CCSER1: variants seen among roughly 807,000 people sequenced by gnomAD.
CCSER1 encodes the protein serine-rich coiled-coil domain-containing protein 1.
CCSER1 carries 41 observed loss-of-function variants against 82.0 expected under a neutral mutation model. The ratio of observed to expected loss-of-function variants is 0.50; its 90% CI spans 0.39 to 0.65. CCSER1 has a LOEUF of 0.65. Among genes scored for constraint, CCSER1 ranks in the 30% least tolerant of loss-of-function variants. The pLI, the probability that CCSER1 is intolerant of heterozygous loss-of-function variation, is 0.00. For synonymous variants in CCSER1, 414 were observed against 383.9 expected (o/e 1.08, Z -0.92); for missense variants, 1,119 against 1,064.2 (o/e 1.05, Z -0.72).
chr4:90,544,654 T>A (rs1776530132), intron 5 of CCSER1, among the ~76,000 whole-genome samples: 1 of 152,008 alleles, frequency 6.6e-6, no homozygotes. Context: ...TGAGCTGAAA[T>A]TGTGACTGAA....
chr4:90,167,624 G>A (rs867710862), intron 1 of CCSER1, among the ~76,000 whole-genome samples: 6 of 131,956 alleles, frequency 4.5e-5, no homozygotes, highest in South Asian at 5.2e-4. Context: ...TCCCTCCCCC[G>A]TCCCCCCACC....
intron 1 of CCSER1, among the ~76,000 whole-genome samples, chr4:90,131,355 A>C (rs369514470): frequency 6.6e-6 from 1 of 152,220 alleles, no homozygotes; most frequent in Non-Finnish European, 1.5e-5. Context: ...AGTGCAATAG[A>C]GTTCTTGTAG....
chr4:90,990,767 A>G (rs1442215991), intron 9 of CCSER1, among the ~76,000 whole-genome samples: 1 of 151,934 alleles, frequency 6.6e-6, no homozygotes, highest in Admixed American at 6.6e-5. Context: ...GTGAAAAATG[A>G]AAGGGGCTAT....
At chr4:91,495,146 G>A (rs1560715205) in intron 10 of CCSER1, among the ~76,000 whole-genome samples, 1 of 151,572 alleles carries the variant, frequency 6.6e-6, no homozygotes, top group Non-Finnish European at 1.5e-5. Context: ...CTGTAATTAT[G>A]ATTAGAATAG....
intron 10 of CCSER1, among the ~76,000 whole-genome samples, chr4:91,136,316 T>C (rs1288931524): frequency 6.6e-6 from 1 of 152,202 alleles, no homozygotes; most frequent in African/African-American, 2.4e-5. Flanking sequence ...ACCGTCTTTA[T>C]TGGGGTTGTT....
At position 91,600,775 on chromosome 4, in the gene CCSER1, T is replaced by C. The variant is rs928653989; in HGVS notation, c.*1718T>C. 6.6e-6 allele frequency: 1 copy of C among 152,116 alleles called. No individual in the cohort carries two copies. The highest frequency in any genetic ancestry group is 2.4e-5 in the African/African-American group (1 of 41,426). The allele number at this position is 152,116 out of a possible 1,614,324, so 9.4% of individuals were successfully genotyped here. On this transcript the variant is annotated 3_prime_UTR_variant, in exon 11 of 11. Coordinates refer to ENST00000509176, the MANE Select transcript of CCSER1 (RefSeq NM_001145065.2). ...TTTTGGTTTTCCAAAGGAACACACA[T>C]GTGCATCAAGGCAGACATTTGCCAA...
chr4:91,165,339 G>A (rs986917692), intron 10 of CCSER1, among the ~76,000 whole-genome samples: 2 of 152,140 alleles, frequency 1.3e-5, no homozygotes, highest in Admixed American at 6.6e-5. Context: ...GTCCCAGAGG[G>A]GTGCCTGCCT....
In CCSER1 at chr4:90,150,111, G is replaced by A. The variant is rs1051335366; in HGVS notation, c.-42+22280G>A. Among the ~76,000 whole-genome samples, 24 of 152,156 alleles carry A rather than the reference G, an allele frequency of 1.6e-4. 1 individual carries two copies. The highest frequency in any genetic ancestry group is 4.8e-4 in the African/African-American group (20 of 41,532). Reference sequence around the variant, plus strand: ...AACCAAACATGGATTGAATATATTCGTGCAATGAAAAACCCACATAATAGC... The same window carrying A: ...AACCAAACATGGATTGAATATATTCATGCAATGAAAAACCCACATAATAGC... On this transcript the variant is annotated intron_variant, in intron 1 of 10. Transcript: ENST00000509176.
chr4:90,341,569 A>T (rs1741386819), intron 3 of CCSER1, among the ~76,000 whole-genome samples: 1 of 152,122 alleles, frequency 6.6e-6, no homozygotes, highest in South Asian at 2.1e-4. Context: ...TAGTCTAGAC[A>T]ACTCAAATAA....
intron 1 of CCSER1, among the ~76,000 whole-genome samples, chr4:90,138,546 G>A (rs924726503): frequency 6.6e-6 from 1 of 152,196 alleles, no homozygotes; most frequent in Non-Finnish European, 1.5e-5. Context: ...AGGACTGGAG[G>A]AATGGTGGCA....
At chr4:90,641,521 A>G (rs114913051) in intron 6 of CCSER1, among the ~76,000 whole-genome samples, 656 of 152,244 alleles carry the variant, frequency 4.3e-3, no homozygotes, top group African/African-American at 0.015. Flanking sequence ...TAAAAAACTC[A>G]CTTTCCAAGT....
At chr4:91,071,528 A>C (rs1341808325) in intron 9 of CCSER1, among the ~76,000 whole-genome samples, 2 of 152,150 alleles carry the variant, frequency 1.3e-5, no homozygotes, top group Admixed American at 1.3e-4. Context: ...AGAGAGTCAT[A>C]ATGTTGCAAT....
chr4:90,510,693 G>T (rs1450058313), intron 5 of CCSER1, among the ~76,000 whole-genome samples: 1 of 152,218 alleles, frequency 6.6e-6, no homozygotes, highest in Non-Finnish European at 1.5e-5. Context: ...GTGTGCTGCT[G>T]CCATGAGCAG....
At chr4:91,587,802 G>A (rs1034610345) in intron 10 of CCSER1, among the ~76,000 whole-genome samples, 6 of 151,524 alleles carry the variant, frequency 4.0e-5, no homozygotes, top group African/African-American at 7.3e-5. Flanking sequence ...ATCTTGAATT[G>A]GTTGTTGCCT....
At chr4:90,364,592 A>G (rs1305289555) in intron 3 of CCSER1, among the ~76,000 whole-genome samples, 1 of 152,070 alleles carries the variant, frequency 6.6e-6, no homozygotes, top group African/African-American at 2.4e-5. Context: ...GCATTAAAGT[A>G]GTTTGATATT....
chr4:91,563,066 A>T (rs547939448), intron 10 of CCSER1, among the ~76,000 whole-genome samples: 2 of 151,772 alleles, frequency 1.3e-5, no homozygotes, highest in South Asian at 4.2e-4. Context: ...CATCAAAGCA[A>T]AGCAGACATG....
intron 9 of CCSER1, among the ~76,000 whole-genome samples, chr4:90,990,668 A>G (rs1055927259): frequency 3.4e-4 from 51 of 151,912 alleles, no homozygotes; most frequent in Non-Finnish European, 7.4e-5. Context: ...AGAATTTCTG[A>G]CAGTAGAGCC....
chr4:90,730,323 T>C (rs938062196), intron 7 of CCSER1, among the ~76,000 whole-genome samples: 1 of 152,176 alleles, frequency 6.6e-6, no homozygotes, highest in Non-Finnish European at 1.5e-5. Context: ...ATGGTCTCTC[T>C]TAGTATTAGA....
intron 9 of CCSER1, among the ~76,000 whole-genome samples, chr4:91,007,192 A>C (rs2150492205): frequency 6.6e-6 from 1 of 152,188 alleles, no homozygotes; most frequent in African/African-American, 2.4e-5. Flanking sequence ...TCAGTTTGTT[A>C]GTATTTTGTT....
Sources: allele counts gnomAD v4.1 joint callset (sites outside exome capture counted in the v4.1 genomes callset), GRCh38; gene constraint gnomAD v4.1.1; transcripts MANE v1.5; gene names NCBI Gene and HGNC (gene_info 2026-07-23, HGNC 2026-07-21).